Variants in CLIP1 observed in about 807,000 individuals in gnomAD.
The protein encoded by CLIP1 is CAP-Gly domain containing linker protein 1, also known as CAP-Gly domain-containing linker protein 1.
Under a neutral mutation model 161.6 loss-of-function variants are expected in CLIP1, and 66 were observed. The ratio of observed to expected loss-of-function variants is 0.41; its 90% CI spans 0.33 to 0.50. CLIP1 has a LOEUF of 0.50. Among genes scored for constraint, CLIP1 ranks in the 20% least tolerant of loss-of-function variants. The pLI, the probability that CLIP1 is intolerant of heterozygous loss-of-function variation, is 0.27. For synonymous variants in CLIP1, 598 were observed against 626.2 expected (o/e 0.96, Z 0.67); for missense variants, 1,376 against 1,702.0 (o/e 0.81, Z 3.37).
chr12:122,422,322 C>A (rs893297169), intron 1 of CLIP1, among the ~76,000 whole-genome samples, 199 bp downstream of exon 1: 1 of 151,714 alleles, frequency 6.6e-6, no homozygotes, highest in South Asian at 2.1e-4. Flanking sequence ...CCCCCAGGGA[C>A]CCCCGGCCTC....
chr12:122,418,403 A>G (rs992623508), intron 1 of CLIP1, among the ~76,000 whole-genome samples: 3 of 152,176 alleles, frequency 2.0e-5, no homozygotes, highest in Middle Eastern at 3.2e-3. Context: ...CATATCAAAG[A>G]AAAACACACT....
intron 3 of CLIP1, among the ~76,000 whole-genome samples, chr12:122,371,132 C>G (rs1954431763): frequency 6.6e-6 from 1 of 152,204 alleles, no homozygotes; most frequent in Non-Finnish European, 1.5e-5. Context: ...GTCTGAGGCT[C>G]AAGATATTTT....
At chr12:122,292,473 G>A (rs1950287131) in intron 20 of CLIP1, among the ~76,000 whole-genome samples, 2 of 152,068 alleles carry the variant, frequency 1.3e-5, no homozygotes, top group South Asian at 4.1e-4. Context: ...TATTCTTTGA[G>A]CGCTTCCTTG....
chr12:122,290,193 G>A (rs1956043727), intron 20 of CLIP1, among the ~76,000 whole-genome samples: 1 of 152,014 alleles, frequency 6.6e-6, no homozygotes, highest in Non-Finnish European at 1.5e-5. Context: ...TTTGCTATGA[G>A]GTCTTATTTT....
chr12:122,417,510 CTTTTTTTTT>C (rs35179677), intron 1 of CLIP1, among the ~76,000 whole-genome samples: 1 of 104,802 alleles, frequency 9.5e-6, no homozygotes, highest in Admixed American at 1.1e-4. Flanking sequence ...ATTATTCTGC[CTTTTTTTTT>C]TTTTTTTTTT....
chr12:122,315,227 TATTAGG>T (rs1439992349), intron 19 of CLIP1, among the ~76,000 whole-genome samples: 1 of 152,212 alleles, frequency 6.6e-6, no homozygotes, highest in Non-Finnish European at 1.5e-5. Flanking sequence ...CTCATCTATG[TATTAGG>T]ATTGGAAATA....
intron 19 of CLIP1, among the ~76,000 whole-genome samples, chr12:122,312,432 G>A (rs912635934): frequency 6.6e-6 from 1 of 152,154 alleles, no homozygotes; most frequent in African/African-American, 2.4e-5. Context: ...GGTTTCCAGG[G>A]GCAAGGGCAA....
rs1403550775 is a variant in CLIP1 at position 122,377,602 on chromosome 12, C to T, written c.444G>A (p.Pro148=). 3.1e-6 allele frequency: 5 copies of T among 1,613,750 alleles called. No homozygotes were observed. Among genetic ancestry groups the T allele is most frequent in the African/African-American group, 2.7e-5 (2 of 74,834 alleles). ...QTTPASRATS[P]LCTSTASMVS... ...CCATGCTGGCCGTAGAAGTGCACAG[C>T]GGTGAAGTAGCTCGGGAGGCGGGCG... Residue 148 remains proline, a synonymous_variant, in exon 3 of 26, where the codon CCG becomes CCA. Coordinates refer to ENST00000620786, the MANE Select transcript of CLIP1 (RefSeq NM_001247997.2).
chr12:122,294,354 A>C (rs905199975), intron 20 of CLIP1, among the ~76,000 whole-genome samples: 2 of 151,104 alleles, frequency 1.3e-5, no homozygotes, highest in South Asian at 2.1e-4. Flanking sequence ...CAAAAAAAAA[A>C]ACCCCAAACT....
chr12:122,407,089 C>T (rs1956349728), intron 1 of CLIP1, among the ~76,000 whole-genome samples: 1 of 152,082 alleles, frequency 6.6e-6, no homozygotes, highest in Non-Finnish European at 1.5e-5. Context: ...AATTACTAGG[C>T]CTCTCTAGTA....
rs111713377 is a variant in CLIP1 at position 122,288,964 on chromosome 12, C to T, written c.3595-423G>A. Among the ~76,000 whole-genome samples the T allele has an allele frequency of 8.6e-3, 1,304 of 151,182 alleles. 3 individuals are homozygous for T. Among genetic ancestry groups the T allele is most frequent in the African/African-American group, 0.029 (1,195 of 41,374 alleles). The stretch of plus-strand genomic sequence containing the variant: ...CCGAGTAGCTGGGACTACAGGCGCC[C>T]GCCACAACGCCCGGCTAATTTTTTG... On this transcript the variant is annotated intron_variant, in intron 20 of 25. Coordinates refer to ENST00000620786, the MANE Select transcript of CLIP1 (RefSeq NM_001247997.2).
chr12:122,362,127 T>G (rs1323221943), intron 4 of CLIP1, among the ~76,000 whole-genome samples: 1 of 151,528 alleles, frequency 6.6e-6, no homozygotes, highest in Non-Finnish European at 1.5e-5. Flanking sequence ...CTGATTTTTG[T>G]ATTTTTAGTA....
At chr12:122,370,957 CAAAAAAAAAAAAGAAAA>C (rs981175270) in intron 3 of CLIP1, among the ~76,000 whole-genome samples, 1 of 67,552 alleles carries the variant, frequency 1.5e-5, no homozygotes, top group Non-Finnish European at 2.8e-5. Flanking sequence ...GACTCTGTCT[CAAAAAAAAAAAAGAAAA>C]AAAAAAAAAT....
intron 19 of CLIP1, among the ~76,000 whole-genome samples, chr12:122,315,070 G>A (rs931145744): frequency 1.3e-5 from 2 of 152,194 alleles, no homozygotes; most frequent in African/African-American, 4.8e-5. Context: ...CCTCGCAGGA[G>A]CAGCTCAGAT....
At chr12:122,335,359 G>GC (rs1477795411) in intron 12 of CLIP1, among the ~76,000 whole-genome samples, 2 of 151,892 alleles carry the variant, frequency 1.3e-5, no homozygotes, top group Non-Finnish European at 2.9e-5. Context: ...CCCACAGGCT[G>GC]CCCCCTGTGC....
intron 3 of CLIP1, among the ~76,000 whole-genome samples, chr12:122,369,037 G>A (rs1478069852): frequency 6.8e-6 from 1 of 147,456 alleles, no homozygotes; most frequent in Non-Finnish European, 1.5e-5. Context: ...CCTTCTTTTT[G>A]AGACGGAGTT....
Position 122,351,121 on chromosome 12 carries a change from T to G in CLIP1, c.1391A>C (p.Asp464Ala). Residue 464 changes from aspartate to alanine, a missense_variant, in exon 9 of 26, where the codon GAT (aspartate) becomes GCT (alanine). Physicochemically the swap from Asp to Ala is moderately radical, Grantham distance 126. Around this residue, in one of 6 missense-constraint regions of CLIP1, gnomAD observed 948 missense variants for 1,134.8 expected, o/e 0.84. Coordinates refer to ENST00000620786, the MANE Select transcript of CLIP1 (RefSeq NM_001247997.2). ...DLEQKSQISE[D>A]PENTQTKLEH... ...TAAGTGCCCTCTTACATTCTCAGGA[T>G]CTTCAGAAATCTGGCTCTTTTGCTA... 6.6e-7 allele frequency: 1 copy of G among 1,521,180 alleles called. No homozygotes were observed. The highest frequency in any genetic ancestry group is 8.7e-7 in the Non-Finnish European group (1 of 1,142,872). The allele number at this position is 1,521,180 out of a possible 1,614,324, so 94.2% of individuals were successfully genotyped here.
chr12:122,357,735 G>A (rs1272002419), intron 5 of CLIP1, among the ~76,000 whole-genome samples: 14 of 148,362 alleles, frequency 9.4e-5, no homozygotes, highest in Non-Finnish European at 1.3e-4. Context: ...GGGAGGTGAG[G>A]GGCGCCTCTG....
At chr12:122,359,502 T>C (rs1271002846) in intron 5 of CLIP1, among the ~76,000 whole-genome samples, 1 of 152,236 alleles carries the variant, frequency 6.6e-6, no homozygotes, top group Non-Finnish European at 1.5e-5. Context: ...TATCAGAGTT[T>C]CTGACCCACA....
Sources: allele counts gnomAD v4.1 joint callset (sites outside exome capture counted in the v4.1 genomes callset), GRCh38; gene constraint gnomAD v4.1.1; regional missense constraint gnomAD v4.1.1; transcripts MANE v1.5; gene names NCBI Gene and HGNC (gene_info 2026-07-23, HGNC 2026-07-21).